Variants in HADH observed in about 807,000 individuals in gnomAD.
The protein encoded by HADH is hydroxyacyl-coenzyme A dehydrogenase, mitochondrial.
HADH carries 24 observed loss-of-function variants against 32.2 expected under a neutral mutation model. The ratio of observed to expected loss-of-function variants is 0.75; its 90% CI spans 0.54 to 1.05. The LOEUF is 1.05. Ranked by LOEUF, HADH falls within the 50% of genes least tolerant of loss-of-function variation. The pLI, the probability that HADH is intolerant of heterozygous loss-of-function variation, is 0.00. For synonymous variants in HADH, 139 were observed against 152.5 expected (o/e 0.91, Z 0.65); for missense variants, 350 against 397.1 (o/e 0.88, Z 1.01).
chr4:107,996,468 TA>T (rs931419490), intron 1 of HADH, among the ~76,000 whole-genome samples: 2 of 151,568 alleles, frequency 1.3e-5, no homozygotes, highest in Admixed American at 6.6e-5. Flanking sequence ...CTTACTGAAT[TA>T]AAAAAAAACT....
Position 108,034,268 on chromosome 4 carries a change from T to C in HADH, c.856T>C (p.Leu286=). The change falls in exon 8 of 8, where the codon TTA becomes CTA. Residue 286 remains leucine (L), a synonymous_variant. Coordinates refer to ENST00000309522, the MANE Select transcript of HADH (RefSeq NM_005327.7). ...GCATGAAATGGATGCAGAGAACCCA[T>C]TACATCAGCCCAGCCCATCCTTAAA... ...GWHEMDAENP[L]HQPSPSLNKL... 1 of 1,612,868 alleles carries C rather than the reference T, an allele frequency of 6.2e-7. No homozygotes were observed. Among genetic ancestry groups the C allele is most frequent in the Non-Finnish European group, 8.5e-7 (1 of 1,178,834 alleles).
At chr4:108,017,684 G>A (rs10008953) in intron 3 of HADH, among the ~76,000 whole-genome samples, 131,684 of 151,882 alleles carry the variant, frequency 0.87, 57,957 homozygotes, top group East Asian at 0.97. Context: ...CCTCCCTAGT[G>A]GCTGGGATTA....
chr4:108,031,526 C>T (rs1736261989), intron 6 of HADH: 1 of 152,332 alleles, frequency 6.6e-6, no homozygotes, highest in Non-Finnish European at 1.5e-5. Context: ...ATGCTGTGTT[C>T]CTTCCCATTC....
chr4:107,995,498 C>G (rs1734929334), intron 1 of HADH, among the ~76,000 whole-genome samples: 1 of 151,962 alleles, frequency 6.6e-6, no homozygotes, highest in East Asian at 1.9e-4. Flanking sequence ...ATAGGGAGTT[C>G]CAGCAATTCT....
In HADH at chr4:108,005,045, T is replaced by C. The variant is rs542183514; in HGVS notation, c.133-4714T>C. ...GTAACTCACCATATATACCTTCTTT[T>C]TTTCTTTCTTTCTTTATTTTCTGTA... On this transcript the variant is annotated intron_variant, in intron 1 of 7. Coordinates refer to ENST00000309522, the MANE Select transcript of HADH (RefSeq NM_005327.7). 1.9e-4 allele frequency: 115 copies of C among 613,214 alleles called. No individual in the cohort carries two copies. The African/African-American group carries it at 2.1e-3, about 11-fold the overall frequency. The allele number at this position is 613,214 out of a possible 1,614,324, so 38.0% of individuals were successfully genotyped here.
intron 6 of HADH, chr4:108,032,641 A>C (rs1578267853): frequency 2.5e-6 from 1 of 395,404 alleles, no homozygotes; most frequent in Admixed American, 3.6e-5. Context: ...TTCTGTCTCC[A>C]TGAACAGGGT....
chr4:108,000,820 G>C (rs1437623389), intron 1 of HADH, among the ~76,000 whole-genome samples: 3 of 152,168 alleles, frequency 2.0e-5, no homozygotes, highest in Admixed American at 6.5e-5. Context: ...GGAGACGTGT[G>C]GTGTGGCTGG....
At chr4:108,022,238 T>C (rs995897687) in intron 4 of HADH, among the ~76,000 whole-genome samples, 9 of 146,698 alleles carry the variant, frequency 6.1e-5, no homozygotes, top group African/African-American at 2.0e-4. Flanking sequence ...GTTGAATGAA[T>C]GAGTGAATAA....
At chr4:108,019,454 G>A in intron 3 of HADH, 86 bp from the exon 4 acceptor site, 1 of 1,215,536 alleles carries the variant, frequency 8.2e-7, no homozygotes, top group Non-Finnish European at 1.2e-6. Flanking sequence ...GCAGTAAGCA[G>A]TCACCTTGTG....
chr4:108,022,777 A>C (rs1735936987), intron 4 of HADH, among the ~76,000 whole-genome samples: 2 of 152,158 alleles, frequency 1.3e-5, no homozygotes, highest in Admixed American at 1.3e-4. Context: ...TCCCAATGTA[A>C]TTTCATTCTC....
intron 2 of HADH, among the ~76,000 whole-genome samples, chr4:108,013,899 G>A (rs1358568802): frequency 1.3e-5 from 2 of 152,060 alleles, no homozygotes; most frequent in South Asian, 2.1e-4. Flanking sequence ...ATTCCATGAT[G>A]ATTTTGGATG....
At chr4:108,027,660 T>G in intron 5 of HADH, 28 bp from the exon 6 acceptor site, 1 of 1,447,764 alleles carries the variant, frequency 6.9e-7, no homozygotes, top group African/African-American at 1.4e-5. Context: ...AATTTACTAG[T>G]TTTTTGTTTT....
intron 1 of HADH, among the ~76,000 whole-genome samples, chr4:107,999,752 A>G (rs1212670247): frequency 2.0e-5 from 3 of 152,172 alleles, no homozygotes; most frequent in South Asian, 2.1e-4. Flanking sequence ...TGAGAAACCT[A>G]CTGTCTAGTG....
At chr4:108,011,261 T>G (rs889468604) in intron 2 of HADH, among the ~76,000 whole-genome samples, 1 of 152,230 alleles carries the variant, frequency 6.6e-6, no homozygotes, top group African/African-American at 2.4e-5. Flanking sequence ...TCTGTTCTCA[T>G]GACATTGCTA....
In HADH at chr4:108,034,713, C is replaced by T. The variant is rs1056144394; in HGVS notation, c.*356C>T. 5.6e-6 allele frequency: 2 copies of T among 357,474 alleles called. No homozygotes were observed. Among genetic ancestry groups the T allele is most frequent in the African/African-American group, 4.3e-5 (2 of 46,726 alleles). The allele number at this position is 357,474 out of a possible 1,614,324, so 22.1% of individuals were successfully genotyped here. A position where few individuals can be genotyped will look rare whatever the true frequency, so the allele number is the denominator to read the frequency against. ...AGTACTTCCTCTGAGAGTGCGAGTG[C>T]ACCATGCTCACTGTTGCTGCGTGGG... On this transcript the variant is annotated 3_prime_UTR_variant, in exon 8 of 8. Coordinates refer to ENST00000309522, the MANE Select transcript of HADH (RefSeq NM_005327.7).
chr4:107,991,185 G>T (rs1734790815), intron 1 of HADH, among the ~76,000 whole-genome samples: 1 of 151,604 alleles, frequency 6.6e-6, no homozygotes, highest in African/African-American at 2.4e-5. Context: ...TTCCATTTCA[G>T]CTCACATTGG....
chr4:107,993,575 A>G (rs1734874396), intron 1 of HADH, among the ~76,000 whole-genome samples: 1 of 152,198 alleles, frequency 6.6e-6, no homozygotes, highest in Non-Finnish European at 1.5e-5. Context: ...AAATATTTAA[A>G]TAGATTTTGT....
chr4:108,026,412 A>G (rs1736072067), intron 5 of HADH: 1 of 152,184 alleles, frequency 6.6e-6, no homozygotes, highest in Admixed American at 6.5e-5. Flanking sequence ...TGTAGAAGAT[A>G]TTAACTGTTG....
chr4:108,003,811 TA>T (rs74268353), intron 1 of HADH, among the ~76,000 whole-genome samples: 1,581 of 146,752 alleles, frequency 0.011, 28 homozygotes, highest in African/African-American at 0.038. Context: ...AGCCCAGAAT[TA>T]AAAAAAAAAA....
Sources: gnomAD v4.1 joint callset for allele counts (sites outside exome capture counted in the v4.1 genomes callset) on GRCh38, gnomAD v4.1.1 for gene constraint, MANE v1.5 for transcripts, NCBI Gene and HGNC (gene_info 2026-07-23, HGNC 2026-07-21) for gene names.